Variants in CACNA2D1 observed in about 807,000 individuals in gnomAD.
CACNA2D1 encodes the protein calcium voltage-gated channel auxiliary subunit alpha2delta 1.
A neutral mutation model predicts 171.5 loss-of-function variants in CACNA2D1; 53 were observed. The ratio of observed to expected loss-of-function variants is 0.31; its 90% CI spans 0.25 to 0.39. The LOEUF is 0.39. Ranked by LOEUF, CACNA2D1 falls within the 10% of genes least tolerant of loss-of-function variation. The pLI is 1.00. For synonymous variants in CACNA2D1, 442 were observed against 443.1 expected (o/e 1.00, Z 0.03); for missense variants, 903 against 1,299.8 (o/e 0.69, Z 4.69).
chr7:82,220,969 T>C (rs1217620611), intron 3 of CACNA2D1, among the ~76,000 whole-genome samples: 5 of 151,894 alleles, frequency 3.3e-5, no homozygotes, highest in Non-Finnish European at 7.4e-5. Context: ...AGAGACAGGG[T>C]TTCACGATGT....
At chr7:82,167,431 GTTTAT>G (rs1435097366) in intron 4 of CACNA2D1, among the ~76,000 whole-genome samples, 1 of 151,610 alleles carries the variant, frequency 6.6e-6, no homozygotes, top group Non-Finnish European at 1.5e-5. Flanking sequence ...GCACCACCTA[GTTTAT>G]TAGGAACAAA....
At chr7:82,025,023 CT>C (rs1334481789) in intron 12 of CACNA2D1, among the ~76,000 whole-genome samples, 2 of 151,502 alleles carry the variant, frequency 1.3e-5, no homozygotes, top group Non-Finnish European at 3.0e-5. Context: ...TGCTAGTGCC[CT>C]ACTGTTTTGA....
intron 4 of CACNA2D1, among the ~76,000 whole-genome samples, chr7:82,145,240 T>G (rs1284480418): frequency 2.2e-5 from 3 of 139,522 alleles, no homozygotes; most frequent in African/African-American, 7.8e-5. Flanking sequence ...AAAATATAAA[T>G]TATATAAATA....
intron 1 of CACNA2D1, among the ~76,000 whole-genome samples, chr7:82,358,723 G>T (rs552622119): frequency 1.3e-5 from 2 of 151,688 alleles, no homozygotes; most frequent in South Asian, 2.1e-4. Context: ...TGAGTGTGCA[G>T]TTAATCCACA....
intron 4 of CACNA2D1, among the ~76,000 whole-genome samples, chr7:82,154,378 A>G (rs1316159971): frequency 2.6e-5 from 4 of 152,042 alleles, no homozygotes; most frequent in African/African-American, 7.2e-5. Flanking sequence ...GTTTCCTTCC[A>G]TTAGTAGAAA....
intron 6 of CACNA2D1, among the ~76,000 whole-genome samples, chr7:82,111,916 A>T (rs889496885): frequency 8.5e-5 from 13 of 152,274 alleles, no homozygotes; most frequent in African/African-American, 3.1e-4. Context: ...TAATCCATCA[A>T]TAAATCAAAA....
At chr7:82,164,825 A>ATTT (rs200015891) in intron 4 of CACNA2D1, among the ~76,000 whole-genome samples, 16 of 151,030 alleles carry the variant, frequency 1.1e-4, no homozygotes, top group Admixed American at 6.6e-4. Flanking sequence ...TTTTTTCTTA[A>ATTT]TTTTTTTATT....
intron 3 of CACNA2D1, among the ~76,000 whole-genome samples, chr7:82,300,867 T>G (rs1181558949): frequency 6.6e-6 from 1 of 152,172 alleles, no homozygotes; most frequent in Non-Finnish European, 1.5e-5. Context: ...AGTCTCATTT[T>G]TCAAAACAGT....
At chr7:81,961,070 TCAG>T (rs1428671134) in intron 36 of CACNA2D1, among the ~76,000 whole-genome samples, 5 of 151,814 alleles carry the variant, frequency 3.3e-5, no homozygotes, top group African/African-American at 1.2e-4. Context: ...TTTCATAATC[TCAG>T]ATTACCTCAC....
chr7:82,415,427 G>T (rs536984236), intron 1 of CACNA2D1, among the ~76,000 whole-genome samples: 1 of 152,022 alleles, frequency 6.6e-6, no homozygotes, highest in South Asian at 2.1e-4. Context: ...CCTGCTACTT[G>T]GGAGGCTGGG....
At chr7:82,406,354 C>T (rs1827041964) in intron 1 of CACNA2D1, among the ~76,000 whole-genome samples, 1 of 152,154 alleles carries the variant, frequency 6.6e-6, no homozygotes, top group Non-Finnish European at 1.5e-5. Flanking sequence ...AATAAACATA[C>T]ATGTGCATGT....
chr7:82,170,704 A>G (rs1795931042), intron 3 of CACNA2D1, 95 bp from the exon 4 acceptor site: 1 of 1,088,102 alleles, frequency 9.2e-7, no homozygotes, highest in East Asian at 2.4e-5. Context: ...TTTTGAGGAC[A>G]TAAAAAGCAG....
At position 81,959,343 on chromosome 7, in the gene CACNA2D1, G is replaced by T; in HGVS notation, c.3091C>A (p.Pro1031Thr). ...CTGGGTTGCTTAACCATGTCACAAG[G>T]ATTTGGACCGTCAGCTAAAAGAGAC... ...QAEQTSDGPN[P>T]CDMVKQPRYR... Residue 1031 changes from proline (P) to threonine (T), a missense_variant, in exon 38 of 39, where the codon CCT becomes ACT. Physicochemically the swap from Pro to Thr is conservative, Grantham distance 38. This residue lies in a region of CACNA2D1 where 623 missense variants were observed against 925.5 expected (regional missense o/e 0.67). Transcript: ENST00000356860. 1 of 1,608,600 alleles carries T rather than the reference G, an allele frequency of 6.2e-7. No individual in the cohort carries two copies. The highest frequency in any genetic ancestry group is 8.5e-7 in the Non-Finnish European group (1 of 1,175,314).
intron 12 of CACNA2D1, among the ~76,000 whole-genome samples, chr7:82,019,230 G>C (rs768988578): frequency 3.3e-5 from 5 of 152,068 alleles, no homozygotes; most frequent in African/African-American, 1.2e-4. Context: ...TGAGGCAGGA[G>C]AATTACTTGA....
At chr7:82,220,719 A>G (rs1168129824) in intron 3 of CACNA2D1, among the ~76,000 whole-genome samples, 2 of 152,046 alleles carry the variant, frequency 1.3e-5, no homozygotes, top group Non-Finnish European at 1.5e-5. Flanking sequence ...ATAGTGCTGG[A>G]AAATCTTTTG....
At chr7:82,098,669 C>T (rs1812228943) in intron 6 of CACNA2D1, among the ~76,000 whole-genome samples, 1 of 152,078 alleles carries the variant, frequency 6.6e-6, no homozygotes, top group South Asian at 2.1e-4. Context: ...AAAGTTCTAC[C>T]ACAGGAGTCA....
intron 1 of CACNA2D1, among the ~76,000 whole-genome samples, chr7:82,377,422 T>G (rs1333199558): frequency 6.6e-6 from 1 of 152,200 alleles, no homozygotes; most frequent in Non-Finnish European, 1.5e-5. Flanking sequence ...CTATAACTTT[T>G]AGTAATTCTA....
rs562449506 is a variant in CACNA2D1 at position 81,967,106 on chromosome 7, G to A, written c.2502+63C>T. The A allele has an allele frequency of 2.4e-4, 298 of 1,260,598 alleles. 1 individual carries two copies. Among genetic ancestry groups the A allele is most frequent in the Admixed American group, 5.4e-4 (31 of 57,644 alleles). 78.1% of individuals were successfully genotyped at this position (1,260,598 alleles called of 1,614,324 possible). On this transcript the variant is annotated intron_variant, in intron 31 of 38. Transcript: ENST00000356860. ...TCCTGCATATTTTTTCATCACTATA[G>A]TCTTAGCAAGAGTAACACAAGGAAA...
chr7:81,987,773 G>T (rs550634430), intron 21 of CACNA2D1, among the ~76,000 whole-genome samples: 26 of 152,274 alleles, frequency 1.7e-4, no homozygotes, highest in African/African-American at 6.3e-4. Flanking sequence ...AAACGCAAAG[G>T]TGGGAAAGTT....
Sources: allele counts gnomAD v4.1 joint callset (sites outside exome capture counted in the v4.1 genomes callset), GRCh38; gene constraint gnomAD v4.1.1; regional missense constraint gnomAD v4.1.1; transcripts MANE v1.5; gene names NCBI Gene and HGNC (gene_info 2026-07-23, HGNC 2026-07-21).